Variants in SYNPO2L observed in about 807,000 individuals in gnomAD.
The protein encoded by SYNPO2L is synaptopodin 2 like, also known as synaptopodin 2-like protein.
Under a neutral mutation model 47.5 loss-of-function variants are expected in SYNPO2L, and 34 were observed. The ratio of observed to expected loss-of-function variants is 0.72; its 90% CI spans 0.54 to 0.95. SYNPO2L has a LOEUF of 0.95. Ranked by LOEUF, SYNPO2L falls within the 40% of genes least tolerant of loss-of-function variation. SYNPO2L has a pLI of 0.00. For missense variants in SYNPO2L, 1,246 were observed against 1,282.0 expected (o/e 0.97, Z 0.43); for synonymous variants, 536 against 524.9 (o/e 1.02, Z -0.29).
Position 73,648,543 on chromosome 10 carries a change from T to C in SYNPO2L, c.1109A>G (p.Glu370Gly). ...ELARAGSRAS[E>G]GQGSGLGGQL... ...CCCTCCCAGCCCAGAGCCCTGGCCCTCTGATGCTCTTGAGCCCGCCCTGGC... is the reference window on the plus strand; with the variant it reads ...CCCTCCCAGCCCAGAGCCCTGGCCCCCTGATGCTCTTGAGCCCGCCCTGGC... The change falls in exon 4 of 4, where the codon GAG becomes GGG. Residue 370 changes from glutamate to glycine, a missense_variant. Glu to Gly is a moderately conservative substitution (Grantham distance 98). Transcript: ENST00000394810. The C allele has an allele frequency of 6.2e-7, 1 of 1,614,152 alleles. No homozygotes were observed. Among genetic ancestry groups the C allele is most frequent in the Non-Finnish European group, 8.5e-7 (1 of 1,179,998 alleles).
At chr10:73,655,697 A>AC in intron 1 of SYNPO2L, 121 bp downstream of exon 1, 2 of 55,342 alleles carry the variant, frequency 3.6e-5, no homozygotes, top group Non-Finnish European at 7.2e-5. Flanking sequence ...CCTGCCCACC[A>AC]CCCACCCCAT....
intron 3 of SYNPO2L, chr10:73,650,185 A>G (rs926803031): frequency 2.0e-6 from 2 of 985,288 alleles, no homozygotes; most frequent in Non-Finnish European, 2.4e-6. Context: ...TTGAGATTCC[A>G]TCTACTTTCC....
chr10:73,652,706 G>A (rs142118728), intron 3 of SYNPO2L, among the ~76,000 whole-genome samples: 219 of 152,046 alleles, frequency 1.4e-3, no homozygotes, highest in African/African-American at 4.2e-3. Flanking sequence ...AAAATCCTGC[G>A]TTCATGCTAT....
chr10:73,646,452 A>G lies in SYNPO2L; in HGVS notation c.*266T>C. ...ATCTGTGGAGGAATATGGGTGGAGA[A>G]GCCTGGAAATAAAGACAGAGATCCA... On this transcript the variant is annotated 3_prime_UTR_variant, in exon 4 of 4. Transcript: ENST00000394810. 1 of 1,178,746 alleles carries G rather than the reference A, an allele frequency of 8.5e-7. No homozygotes were observed. Among genetic ancestry groups the G allele is most frequent in the Non-Finnish European group, 1.0e-6 (1 of 954,728 alleles). The allele number at this position is 1,178,746 out of a possible 1,614,324, so 73.0% of individuals were successfully genotyped here. A position where few individuals can be genotyped will look rare whatever the true frequency, so the allele number is the denominator to read the frequency against.
chr10:73,646,586 T>C lies in SYNPO2L; in HGVS notation c.*132A>G. 1 of 1,323,162 alleles carries C rather than the reference T, an allele frequency of 7.6e-7. No homozygotes were observed. The highest frequency in any genetic ancestry group is 9.7e-7 in the Non-Finnish European group (1 of 1,032,758). The allele number at this position is 1,323,162 out of a possible 1,614,324, so 82.0% of individuals were successfully genotyped here. ...AGGAGGAAGGTGGGGGAAGGGGACA[T>C]CAACTTGGAAACCATCTCTGGCAGG... On this transcript the variant is annotated 3_prime_UTR_variant, in exon 4 of 4. Coordinates refer to ENST00000394810, the MANE Select transcript of SYNPO2L (RefSeq NM_001114133.3).
At chr10:73,653,774 C>T in intron 2 of SYNPO2L, 121 bp from the exon 3 acceptor site, 1 of 1,327,794 alleles carries the variant, frequency 7.5e-7, no homozygotes, top group Non-Finnish European at 1.0e-6. Flanking sequence ...AGAAGGCTGT[C>T]ATACAGTTGG....
rs1474108822 is a variant in SYNPO2L at position 73,653,260 on chromosome 10, A to G, written c.651T>C (p.Ala217=). Residue 217 remains alanine (A), a synonymous_variant, in exon 3 of 4, where the codon GCT becomes GCC. Coordinates refer to ENST00000394810, the MANE Select transcript of SYNPO2L (RefSeq NM_001114133.3). ...GAALQPPPAE[A]LLLPHGPLRP... ...GGAGGGGGCCATGGGGTAACAGCAG[A>G]GCCTCAGCTGGGGGTGGCTGAAGGG... 7.1e-6 allele frequency: 11 copies of G among 1,547,650 alleles called. No individual in the cohort carries two copies. The Middle Eastern group carries it at 6.7e-4, about 94-fold the overall frequency.
At position 73,653,624 on chromosome 10, in the gene SYNPO2L, G is replaced by A. The variant is rs769827389; in HGVS notation, c.287C>T (p.Pro96Leu). The A allele has an allele frequency of 3.9e-6, 6 of 1,550,184 alleles. No homozygotes were observed. The highest frequency in any genetic ancestry group is 4.4e-6 in the Non-Finnish European group (5 of 1,145,688). The change falls in exon 3 of 4, where the codon CCA becomes CTA. Residue 96 changes from proline to leucine, a missense_variant. By Grantham distance (98) the Pro-to-Leu change is moderately conservative. Around this residue, in one of 3 missense-constraint regions of SYNPO2L, gnomAD observed 148 missense variants for 204.8 expected, o/e 0.72. Coordinates refer to ENST00000394810, the MANE Select transcript of SYNPO2L (RefSeq NM_001114133.3). ...CAGCACCTGAAGCTCATGGGGAGAT[G>A]GAGATTGCACAGGACCCTCGTCTGC... ...RLADEGPVQS[P>L]SPHELQVLSP... is the part of the protein sequence containing the mutation.
chr10:73,655,938 A>G lies in SYNPO2L; in HGVS notation c.-16T>C, dbSNP rs749652274. 3 of 1,545,896 alleles carry G rather than the reference A, an allele frequency of 1.9e-6. No individual in the cohort carries two copies. The highest frequency in any genetic ancestry group is 1.2e-5 in the South Asian group (1 of 83,582). On this transcript the variant is annotated 5_prime_UTR_variant, in exon 1 of 4. Transcript: ENST00000394810. ...CAGCACCCATCGCTCAGCTTGGCCT[A>G]TGGCCCCCGGAGTTTGAACAGTGTC...
intron 3 of SYNPO2L, chr10:73,650,724 C>T: frequency 1.0e-6 from 1 of 985,398 alleles, no homozygotes; most frequent in African/African-American, 1.7e-5. Context: ...TCAGAAACCC[C>T]TTTGACATGT....
Position 73,647,532 on chromosome 10 carries a change from G to A in SYNPO2L, c.2120C>T (p.Pro707Leu), listed in dbSNP as rs3812629. 0.15 allele frequency: 239,545 copies of A among 1,591,250 alleles called. 18,988 individuals carry two copies. The highest frequency in any genetic ancestry group is 0.23 in the South Asian group (20,099 of 89,008). ...GGGCGGGGTCTTGGGAGCCATTGGA[G>A]GGGGGGTCTTAGGTGTCACGTGAGG... The part of the protein sequence containing the change: ...TLPHVTPKTP[P>L]PMAPKTPPPM... The change falls in exon 4 of 4, where the codon CCT (proline) becomes CTT (leucine). Residue 707 changes from proline to leucine, a missense_variant. By Grantham distance (98) the Pro-to-Leu change is moderately conservative (BLOSUM62 -3). Around this residue, in one of 3 missense-constraint regions of SYNPO2L, gnomAD observed 1,037 missense variants for 1,021.5 expected, o/e 1.02. Coordinates refer to ENST00000394810, the MANE Select transcript of SYNPO2L (RefSeq NM_001114133.3).
At position 73,646,832 on chromosome 10, in the gene SYNPO2L, C is replaced by T; in HGVS notation, c.2820G>A (p.Arg940=). 6.4e-7 allele frequency: 1 copy of T among 1,551,386 alleles called. No homozygotes were observed. The part of the protein sequence containing the change: ...PSPAPPPEAP[R]GLGASPSSCG... Reference sequence around the variant, plus strand: ...AGGAGCTGGGAGAAGCCCCAAGGCCCCTGGGAGCCTCTGGAGGAGGGGCTG... The same window carrying T: ...AGGAGCTGGGAGAAGCCCCAAGGCCTCTGGGAGCCTCTGGAGGAGGGGCTG... Residue 940 remains arginine, a synonymous_variant, in exon 4 of 4, where the codon AGG becomes AGA. Coordinates refer to ENST00000394810, the MANE Select transcript of SYNPO2L (RefSeq NM_001114133.3).
At position 73,645,506 on chromosome 10, in the gene SYNPO2L, G is replaced by A; in HGVS notation, c.*1212C>T. ...AGCCAATGATTTGTTCATTCTCGGA[G>A]GGAATTTTCTTTCTTTTTTTCATTT... is the stretch of plus-strand genomic sequence containing the variant. On this transcript the variant is annotated 3_prime_UTR_variant, in exon 4 of 4. Coordinates refer to ENST00000394810, the MANE Select transcript of SYNPO2L (RefSeq NM_001114133.3). The A allele has an allele frequency of 1.0e-6, 1 of 991,826 alleles. No homozygotes were observed. The highest frequency in any genetic ancestry group is 1.2e-6 in the Non-Finnish European group (1 of 834,670). 61.4% of individuals were successfully genotyped at this position (991,826 alleles called of 1,614,324 possible).
At chr10:73,653,988 C>G (rs2081860266) in intron 2 of SYNPO2L, 141 bp downstream of exon 2, 3 of 1,150,704 alleles carry the variant, frequency 2.6e-6, no homozygotes, top group Non-Finnish European at 3.6e-6. Context: ...GAGGCAGACA[C>G]AAACCATCTG....
chr10:73,647,042 A>G lies in SYNPO2L; in HGVS notation c.2610T>C (p.Thr870=). 1 of 1,613,856 alleles carries G rather than the reference A, an allele frequency of 6.2e-7. No homozygotes were observed. Among genetic ancestry groups the G allele is most frequent in the Non-Finnish European group, 8.5e-7 (1 of 1,179,906 alleles). Residue 870 remains threonine (T), a synonymous_variant, in exon 4 of 4, where the codon ACT becomes ACC. Transcript: ENST00000394810. ...GGGACCCTGAGGCGATAGGGCCAGG[A>G]GTCGGGGGAACCTCATCAAAACAGA... ...AMFCFDEVPP[T]PGPIASGSPK...
intron 3 of SYNPO2L, 77 bp from the exon 4 acceptor site, chr10:73,648,956 C>G (rs1251198122): frequency 2.1e-6 from 3 of 1,412,750 alleles, no homozygotes; most frequent in South Asian, 1.7e-5. Context: ...GCTTTCACCC[C>G]CCATCCCAGC....
At chr10:73,649,974 TC>T (rs376281697) in intron 3 of SYNPO2L, 13 of 985,394 alleles carry the variant, frequency 1.3e-5, no homozygotes, top group African/African-American at 8.7e-5. Flanking sequence ...CAGAACTGTC[TC>T]TACGTAGAGA....
In SYNPO2L at chr10:73,645,223, C is replaced by T. The variant is rs1010956741; in HGVS notation, c.*1495G>A. On this transcript the variant is annotated 3_prime_UTR_variant, in exon 4 of 4. Transcript: ENST00000394810. ...AACCGTTCTTTCAACACTCAGCACACACCCTCACACCTCCCTTCCACCATC... is the reference window on the plus strand; with the variant it reads ...AACCGTTCTTTCAACACTCAGCACATACCCTCACACCTCCCTTCCACCATC... 59 of 1,117,248 alleles carry T rather than the reference C, an allele frequency of 5.3e-5. No individual in the cohort carries two copies. The African/African-American group carries it at 5.9e-4, about 11-fold the overall frequency. 69.2% of individuals were successfully genotyped at this position (1,117,248 alleles called of 1,614,324 possible). A position where few individuals can be genotyped will look rare whatever the true frequency, so the allele number is the denominator to read the frequency against.
At position 73,653,916 on chromosome 10, in the gene SYNPO2L, C is replaced by T. The variant is rs765500514; in HGVS notation, c.257+213G>A. ...AACAGGCCAGGGGTTGAAGTAGGCT[C>T]ATCAGTCAAATACCCACTGACATCC... On this transcript the variant is annotated intron_variant, in intron 2 of 3. Coordinates refer to ENST00000394810, the MANE Select transcript of SYNPO2L (RefSeq NM_001114133.3). The T allele has an allele frequency of 1.2e-4, 92 of 745,760 alleles. 1 individual carries two copies. Among genetic ancestry groups the T allele is most frequent in the Non-Finnish European group, 1.8e-4 (85 of 473,528 alleles). 46.2% of individuals were successfully genotyped at this position (745,760 alleles called of 1,614,324 possible). A position where few individuals can be genotyped will look rare whatever the true frequency, so the allele number is the denominator to read the frequency against.
Sources: allele counts gnomAD v4.1 joint callset (sites outside exome capture counted in the v4.1 genomes callset), GRCh38; gene constraint gnomAD v4.1.1; regional missense constraint gnomAD v4.1.1; transcripts MANE v1.5; gene names NCBI Gene and HGNC (gene_info 2026-07-23, HGNC 2026-07-21).